The following STXBP5L variants were observed in gnomAD, a reference collection of about 807,000 sequenced individuals.
STXBP5L encodes the protein syntaxin-binding protein 5-like.
In STXBP5L, 65 loss-of-function variants were observed where a neutral mutation model predicts 144.5. That is an observed-to-expected ratio of 0.45 (90% CI 0.37 to 0.55). The LOEUF is 0.55. STXBP5L is among the 20% of genes least tolerant of loss of function. The probability of loss-of-function intolerance (pLI) is 0.00; values close to 1 mark genes in which losing one functional copy is unlikely to be tolerated. For synonymous variants in STXBP5L, 505 were observed against 469.6 expected, an observed-to-expected ratio of 1.08 and a Z score of -0.97; for missense variants, 1,298 against 1,405.5, an observed-to-expected ratio of 0.92 and a Z score of 1.22.
At position 121,170,607 on chromosome 3, in the gene STXBP5L, T is replaced by G. The variant is rs150949073; in HGVS notation, c.877+12980T>G. 1.2e-3 allele frequency among the ~76,000 whole-genome samples: 177 copies of G among 152,184 alleles called. 6 individuals carry two copies. Among genetic ancestry groups the G allele is most frequent in the Middle Eastern group, 0.01 (3 of 294 alleles). ...GAAAACCTAGAAGAAATGGATAAATTCCTAACCACATATACCCTCCCAAGA... is the reference window on the plus strand; with the variant it reads ...GAAAACCTAGAAGAAATGGATAAATGCCTAACCACATATACCCTCCCAAGA... On this transcript the variant is annotated intron_variant, in intron 9 of 26. Transcript: ENST00000471454.
intron 20 of STXBP5L, among the ~76,000 whole-genome samples, chr3:121,340,635 T>A (rs191748507): frequency 6.6e-6 from 1 of 152,126 alleles, no homozygotes; most frequent in South Asian, 2.1e-4. Flanking sequence ...TTCAACTTCA[T>A]CCATGTTCCT....
intron 5 of STXBP5L, among the ~76,000 whole-genome samples, chr3:121,050,365 T>C (rs1413235936): frequency 6.6e-6 from 1 of 152,116 alleles, no homozygotes; most frequent in Non-Finnish European, 1.5e-5. Context: ...AGCAGAAATT[T>C]CAAGGATATC....
At chr3:120,975,377 T>G (rs1290214328) in intron 3 of STXBP5L, among the ~76,000 whole-genome samples, 1 of 152,182 alleles carries the variant, frequency 6.6e-6, no homozygotes, top group Non-Finnish European at 1.5e-5. Context: ...TGCTTGTGAT[T>G]TTTGCACATT....
At chr3:121,050,490 C>A (rs913036318) in intron 5 of STXBP5L, among the ~76,000 whole-genome samples, 13 of 152,052 alleles carry the variant, frequency 8.5e-5, no homozygotes, top group Non-Finnish European at 1.9e-4. Flanking sequence ...AACTAAGCTT[C>A]ATAATTGAAG....
chr3:121,240,352 C>T, intron 13 of STXBP5L, 88 bp from the exon 14 acceptor site: 2 of 1,248,878 alleles, frequency 1.6e-6, no homozygotes, highest in East Asian at 5.0e-5. Context: ...TTTAAGTGAG[C>T]TTTTTATCAT....
intron 19 of STXBP5L, among the ~76,000 whole-genome samples, chr3:121,288,654 C>T (rs926396477): frequency 2.0e-5 from 3 of 152,046 alleles, no homozygotes; most frequent in African/African-American, 7.2e-5. Flanking sequence ...AGAAAGGTGT[C>T]TATTTATGTC....
At chr3:121,376,105 T>C (rs1166260857) in intron 20 of STXBP5L, among the ~76,000 whole-genome samples, 1 of 152,226 alleles carries the variant, frequency 6.6e-6, no homozygotes. Flanking sequence ...ACTTTTGTTC[T>C]GAGTTTACTG....
chr3:121,356,112 A>G (rs930380414), intron 20 of STXBP5L, among the ~76,000 whole-genome samples: 1 of 152,214 alleles, frequency 6.6e-6, no homozygotes, highest in Non-Finnish European at 1.5e-5. Flanking sequence ...GTCAGCCTCT[A>G]CTGGGAGGTG....
chr3:121,065,363 T>C (rs2041492825), intron 5 of STXBP5L, among the ~76,000 whole-genome samples: 1 of 152,140 alleles, frequency 6.6e-6, no homozygotes, highest in African/African-American at 2.4e-5. Flanking sequence ...ACATATTTTA[T>C]AATATATATT....
At chr3:121,031,194 G>T (rs1466154350) in intron 3 of STXBP5L, among the ~76,000 whole-genome samples, 1 of 152,052 alleles carries the variant, frequency 6.6e-6, no homozygotes, top group Admixed American at 6.6e-5. Context: ...TTTTAAACAG[G>T]AATGGCATTA....
chr3:121,010,737 A>G lies in STXBP5L; in HGVS notation c.288-30963A>G, dbSNP rs149739924. On this transcript the variant is annotated intron_variant, in intron 3 of 26. Coordinates refer to ENST00000471454, the MANE Select transcript of STXBP5L (RefSeq NM_001308330.2). ...GTGTTGTATACTGTATTCGTATAAT[A>G]ACGGAAGCTAGAGAAAGGAAAATAT... Among the ~76,000 whole-genome samples, 910 of 152,024 alleles carry G rather than the reference A, an allele frequency of 6.0e-3. 11 individuals carry two copies. Among genetic ancestry groups the G allele is most frequent in the Non-Finnish European group, 4.2e-3 (288 of 67,904 alleles).
chr3:121,291,985 T>C (rs2108466935), intron 19 of STXBP5L, among the ~76,000 whole-genome samples: 1 of 152,304 alleles, frequency 6.6e-6, no homozygotes. Flanking sequence ...TTTCTAGACA[T>C]TGGCTTAAAC....
At chr3:121,333,683 C>A (rs1410992523) in intron 20 of STXBP5L, among the ~76,000 whole-genome samples, 1 of 151,536 alleles carries the variant, frequency 6.6e-6, no homozygotes, top group African/African-American at 2.4e-5. Flanking sequence ...TTACAAACAA[C>A]AAAGGGAGGT....
chr3:121,097,761 C>A (rs1244322140), intron 5 of STXBP5L, among the ~76,000 whole-genome samples: 1 of 152,100 alleles, frequency 6.6e-6, no homozygotes, highest in Non-Finnish European at 1.5e-5. Context: ...TCCTATTCGG[C>A]CATTTTGCCA....
At chr3:121,362,229 C>G (rs569837139) in intron 20 of STXBP5L, among the ~76,000 whole-genome samples, 1 of 152,338 alleles carries the variant, frequency 6.6e-6, no homozygotes, top group East Asian at 1.9e-4. Context: ...TGTGATGAGT[C>G]AGACCTAAAT....
chr3:121,045,582 T>A, intron 5 of STXBP5L, 47 bp downstream of exon 5: 2 of 1,548,184 alleles, frequency 1.3e-6, no homozygotes, highest in Non-Finnish European at 1.8e-6. Flanking sequence ...AACAAAATTA[T>A]TTCCTGAGCA....
At chr3:121,112,934 G>A (rs969905794) in intron 5 of STXBP5L, among the ~76,000 whole-genome samples, 1 of 151,940 alleles carries the variant, frequency 6.6e-6, no homozygotes, top group African/African-American at 2.4e-5. Context: ...TTTATCTATG[G>A]CAATCATTCT....
At chr3:120,940,951 A>G (rs1179588901) in intron 2 of STXBP5L, among the ~76,000 whole-genome samples, 1 of 151,726 alleles carries the variant, frequency 6.6e-6, no homozygotes, top group Non-Finnish European at 1.5e-5. Flanking sequence ...AGTATGAGAG[A>G]TGATGAGATA....
chr3:121,008,916 G>A (rs144247478), intron 3 of STXBP5L, among the ~76,000 whole-genome samples: 3 of 146,336 alleles, frequency 2.1e-5, no homozygotes, highest in Non-Finnish European at 4.5e-5. Context: ...AGTTTCTTAC[G>A]GTTTAATATA....
Sources: allele counts gnomAD v4.1 joint callset (sites outside exome capture counted in the v4.1 genomes callset), GRCh38; gene constraint gnomAD v4.1.1; transcripts MANE v1.5; gene names NCBI Gene and HGNC (gene_info 2026-07-23, HGNC 2026-07-21).